The following ZSWIM9 variants were observed in gnomAD, a reference collection of about 807,000 sequenced individuals.
ZSWIM9 encodes zinc finger SWIM-type containing 9, also known as uncharacterized protein ZSWIM9.
A neutral mutation model predicts 25.0 loss-of-function variants in ZSWIM9; 11 were observed. The ratio of observed to expected loss-of-function variants is 0.44; its 90% confidence interval spans 0.28 to 0.73. The LOEUF (loss-of-function observed/expected upper bound fraction) is 0.73. Among genes scored for constraint, ZSWIM9 ranks in the 30% least tolerant of loss-of-function variants. The probability of loss-of-function intolerance (pLI) is 0.16; values close to 1 mark genes in which losing one functional copy is unlikely to be tolerated. For missense variants in ZSWIM9, 1,070 were observed against 1,296.5 expected (o/e 0.83, Z 2.68); for synonymous variants, 562 against 582.1 (o/e 0.97, Z 0.50).
intron 3 of ZSWIM9, among the ~76,000 whole-genome samples, chr19:48,186,136 T>G (rs972800): frequency 0.17 from 25,299 of 152,188 alleles, 4,225 homozygotes; most frequent in African/African-American, 0.43. Flanking sequence ...CAACCTAATG[T>G]AGCTAGTGGC....
intron 3 of ZSWIM9, among the ~76,000 whole-genome samples, chr19:48,192,677 T>G (rs963955490): frequency 1.3e-5 from 2 of 150,948 alleles, no homozygotes; most frequent in South Asian, 4.2e-4. Flanking sequence ...CTTGGGCAAG[T>G]CACTCCTCTG....
intron 3 of ZSWIM9, among the ~76,000 whole-genome samples, chr19:48,187,493 ATAATATAT>A (rs2037034186): frequency 2.0e-4 from 10 of 50,258 alleles, no homozygotes; most frequent in African/African-American, 7.7e-4. Context: ...ATATTATATT[ATAATATAT>A]TATATTATAT....
At chr19:48,180,324 A>AT (rs2036934831) in intron 2 of ZSWIM9, among the ~76,000 whole-genome samples, 1 of 105,448 alleles carries the variant, frequency 9.5e-6, no homozygotes, top group African/African-American at 3.6e-5. Flanking sequence ...CCATTCTTCC[A>AT]ATTTTTTTTT....
Position 48,182,523 on chromosome 19 carries a change from TGACG to T in ZSWIM9, c.347_350del (p.Thr116SerfsTer4). The T allele has an allele frequency of 2.0e-6, 3 of 1,535,876 alleles. No homozygotes were observed. Among genetic ancestry groups the T allele is most frequent in the Non-Finnish European group, 2.6e-6 (3 of 1,146,754 alleles). On this transcript the variant is annotated frameshift_variant, in exon 3 of 4. Transcript: ENST00000614654. LOFTEE classifies it high-confidence loss of function. This position sits in a 1 kb window ranked among gnomAD's most constrained non-coding sequence, Gnocchi z 4.6. ...AGCCCGCTGCGGGACCGCCTCGTGGTGACGGAGTGCCAGCTGACCCACTCACACC... is the reference window on the plus strand; with the variant it reads ...AGCCCGCTGCGGGACCGCCTCGTGGTGAGTGCCAGCTGACCCACTCACACC...
intron 3 of ZSWIM9, among the ~76,000 whole-genome samples, chr19:48,186,047 CACACATGGCT>C (rs1296698803): frequency 6.6e-6 from 1 of 152,120 alleles, no homozygotes; most frequent in Non-Finnish European, 1.5e-5. Context: ...GGCCACTGGC[CACACATGGCT>C]ACAGAATGCT....
chr19:48,188,227 CT>C (rs796510651), intron 3 of ZSWIM9, among the ~76,000 whole-genome samples: 2,310 of 144,312 alleles, frequency 0.016, 51 homozygotes, highest in African/African-American at 0.05. Context: ...GTGTTAATAC[CT>C]TTTTTTTTTT....
intron 3 of ZSWIM9, among the ~76,000 whole-genome samples, chr19:48,192,629 T>C (rs397131): frequency 0.42 from 62,209 of 149,468 alleles, 13,417 homozygotes; most frequent in East Asian, 0.53. Context: ...GGCCCGGATC[T>C]ATTGGATCCC....
In ZSWIM9 at chr19:48,187,432, T is replaced by TATATATTATATATTA. The variant is rs1568579353; in HGVS notation, c.588+4667_588+4668insATATTATATATTAAT. On this transcript the variant is annotated intron_variant, in intron 3 of 3. Coordinates refer to ENST00000614654, the MANE Select transcript of ZSWIM9 (RefSeq NM_199341.4). ...TATATTATAATTATATATTATATTA[T>TATATATTATATATTA]ATTATATATATTATATATTATATAT... Among the ~76,000 whole-genome samples the TATATATTATATATTA allele has an allele frequency of 2.0e-4, 18 of 88,334 alleles. No homozygotes were observed. The East Asian group carries it at 4.2e-3, about 21-fold the overall frequency. The allele number at this position is 88,334 out of a possible 152,430, so 58.0% of individuals were successfully genotyped here. A position where few individuals can be genotyped will look rare whatever the true frequency, so the allele number is the denominator to read the frequency against.
intron 2 of ZSWIM9, among the ~76,000 whole-genome samples, chr19:48,177,687 T>A (rs909028275): frequency 6.6e-6 from 1 of 152,118 alleles, no homozygotes; most frequent in African/African-American, 2.4e-5. Context: ...CTGAAACACC[T>A]AGGCTGAAGG....
In ZSWIM9 at chr19:48,195,348, C is replaced by T. The variant is rs1332411368; in HGVS notation, c.1284C>T (p.Arg428=). 2.6e-6 allele frequency: 4 copies of T among 1,526,014 alleles called. No individual in the cohort carries two copies. Among genetic ancestry groups the T allele is most frequent in the Non-Finnish European group, 3.5e-6 (4 of 1,143,236 alleles). 94.5% of individuals were successfully genotyped at this position (1,526,014 alleles called of 1,614,324 possible). A position where few individuals can be genotyped will look rare whatever the true frequency, so the allele number is the denominator to read the frequency against. Reference sequence around the variant, plus strand: ...CGCGTGGCGTGGCGCAGTGCCTTCGCGACCTGGTGGCCATGCAGTGGGCCG... The same window carrying T: ...CGCGTGGCGTGGCGCAGTGCCTTCGTGACCTGGTGGCCATGCAGTGGGCCG... The part of the protein sequence containing the change: ...SPSRGVAQCL[R]DLVAMQWADA... The change falls in exon 4 of 4, where the codon CGC becomes CGT. Residue 428 remains arginine, a synonymous_variant. Coordinates refer to ENST00000614654, the MANE Select transcript of ZSWIM9 (RefSeq NM_199341.4). This position sits in a 1 kb window ranked among gnomAD's most constrained non-coding sequence, Gnocchi z 5.8.
chr19:48,193,717 G>C (rs1337784040), intron 3 of ZSWIM9, among the ~76,000 whole-genome samples: 1 of 152,202 alleles, frequency 6.6e-6, no homozygotes, highest in African/African-American at 2.4e-5. Flanking sequence ...AATTATAATG[G>C]CCACTTTCAG....
At chr19:48,171,699 C>T in intron 1 of ZSWIM9, 95 bp from the exon 2 acceptor site, 1 of 1,259,244 alleles carries the variant, frequency 7.9e-7, no homozygotes, top group East Asian at 2.6e-5. Context: ...GATAGAGGCA[C>T]CAGCAACCGA....
At chr19:48,178,256 G>A (rs1252841002) in intron 2 of ZSWIM9, among the ~76,000 whole-genome samples, 1 of 152,198 alleles carries the variant, frequency 6.6e-6, no homozygotes, top group Non-Finnish European at 1.5e-5. Context: ...TTAAAATCTA[G>A]CAGGCTCCTG....
chr19:48,187,691 A>C (rs926116691), intron 3 of ZSWIM9: 2 of 138,462 alleles, frequency 1.4e-5, no homozygotes, highest in Non-Finnish European at 3.0e-5. Flanking sequence ...TAATCTCAGC[A>C]CTTTGGGAGG....
In ZSWIM9 at chr19:48,196,623, C is replaced by G; in HGVS notation, c.2559C>G (p.Phe853Leu). The change falls in exon 4 of 4, where the codon TTC becomes TTG. Residue 853 changes from phenylalanine (F) to leucine (L), a missense_variant. Transcript: ENST00000614654. ...AFARQHGTRG[F>L]HWTGAGFALK... is the part of the protein sequence containing the mutation. ...CTAGGCAGCATGGGACCCGGGGTTTCCACTGGACCGGAGCTGGCTTTGCCC... is the reference window on the plus strand; with the variant it reads ...CTAGGCAGCATGGGACCCGGGGTTTGCACTGGACCGGAGCTGGCTTTGCCC... 8.1e-7 allele frequency: 1 copy of G among 1,232,560 alleles called. No homozygotes were observed. Among genetic ancestry groups the G allele is most frequent in the Non-Finnish European group, 1.0e-6 (1 of 988,300 alleles). The allele number at this position is 1,232,560 out of a possible 1,614,324, so 76.4% of individuals were successfully genotyped here. A position where few individuals can be genotyped will look rare whatever the true frequency, so the allele number is the denominator to read the frequency against.
intron 2 of ZSWIM9, chr19:48,181,901 C>CATAAAAATATACATGGAATGCTAATAG (rs2036951908): frequency 1.3e-5 from 2 of 152,544 alleles, no homozygotes; most frequent in Non-Finnish European, 2.9e-5. Context: ...TTTATGGGTG[C>CATAAAAATATACATGGAATGCTAATAG]ATAAAAATAT....
chr19:48,182,826 T>C lies in ZSWIM9; in HGVS notation c.588+59T>C, dbSNP rs2036966356. 7.9e-7 allele frequency: 1 copy of C among 1,267,092 alleles called. No individual in the cohort carries two copies. Among genetic ancestry groups the C allele is most frequent in the Non-Finnish European group, 1.1e-6 (1 of 929,196 alleles). The allele number at this position is 1,267,092 out of a possible 1,614,324, so 78.5% of individuals were successfully genotyped here. On this transcript the variant is annotated intron_variant, in intron 3 of 3. Transcript: ENST00000614654. This position sits in a 1 kb window ranked among gnomAD's most constrained non-coding sequence, Gnocchi z 4.6. ...GGCGGGGGAAAGCCGCGCTGAAGAC[T>C]CGTGGGTCATTCATGCCTTCATCCG...
At chr19:48,189,543 G>C (rs916524364) in intron 3 of ZSWIM9, 1 of 154,002 alleles carries the variant, frequency 6.5e-6, no homozygotes, top group African/African-American at 2.4e-5. Flanking sequence ...ACTCCAGCCT[G>C]GGCGACAGAG....
intron 3 of ZSWIM9, among the ~76,000 whole-genome samples, chr19:48,188,596 C>G (rs567849447): frequency 1.1e-4 from 16 of 152,318 alleles, no homozygotes; most frequent in African/African-American, 3.8e-4. Context: ...TCTCCATTCC[C>G]TCACTTGTGG....
Sources: gnomAD v4.1 joint callset for allele counts (sites outside exome capture counted in the v4.1 genomes callset) on GRCh38, gnomAD v4.1.1 for gene constraint, Gnocchi (gnomAD v3.1) non-coding constraint, MANE v1.5 for transcripts, NCBI Gene and HGNC (gene_info 2026-07-23, HGNC 2026-07-21) for gene names.